The following MAGI2 variants were observed in gnomAD, a reference collection of about 807,000 sequenced individuals.
The protein encoded by MAGI2 is membrane-associated guanylate kinase, WW and PDZ domain-containing protein 2.
Under a neutral mutation model 133.3 loss-of-function variants are expected in MAGI2, and 35 were observed. The ratio of observed to expected loss-of-function variants is 0.26; its 90% CI spans 0.20 to 0.35. MAGI2 has a LOEUF of 0.35. Among genes scored for constraint, MAGI2 ranks in the 10% least tolerant of loss-of-function variants. MAGI2 has a pLI of 1.00. For synonymous variants in MAGI2, 729 were observed against 710.6 expected (o/e 1.03, Z -0.41); for missense variants, 1,636 against 1,863.4 (o/e 0.88, Z 2.25).
intron 1 of MAGI2, among the ~76,000 whole-genome samples, chr7:79,443,739 A>G (rs190627869): frequency 1.3e-5 from 2 of 152,348 alleles, no homozygotes; most frequent in Admixed American, 1.3e-4. Context: ...CACTTGATCC[A>G]TGGCAATATA....
intron 2 of MAGI2, among the ~76,000 whole-genome samples, chr7:78,688,030 A>G (rs1179121346): frequency 6.6e-6 from 1 of 151,426 alleles, no homozygotes; most frequent in Non-Finnish European, 1.5e-5. Context: ...AAGCAAACAG[A>G]AAAACTTATA....
At chr7:78,281,897 AG>A (rs1261779896) in intron 9 of MAGI2, among the ~76,000 whole-genome samples, 9 of 151,348 alleles carry the variant, frequency 5.9e-5, no homozygotes, top group Non-Finnish European at 8.8e-5. Flanking sequence ...AAAAAAAAAA[AG>A]GAGAAAACTT....
At chr7:79,409,405 A>G (rs895684979) in intron 1 of MAGI2, among the ~76,000 whole-genome samples, 9 of 151,562 alleles carry the variant, frequency 5.9e-5, no homozygotes, top group African/African-American at 9.7e-5. Flanking sequence ...GATTACAGAC[A>G]AGCACAAGCC....
At chr7:79,238,223 A>C (rs1832083928) in intron 1 of MAGI2, among the ~76,000 whole-genome samples, 2 of 151,624 alleles carry the variant, frequency 1.3e-5, no homozygotes, top group African/African-American at 4.8e-5. Flanking sequence ...CTTTATCCTT[A>C]TCTTTGTACT....
chr7:79,147,537 G>A (rs957898713), intron 1 of MAGI2, among the ~76,000 whole-genome samples: 1 of 152,180 alleles, frequency 6.6e-6, no homozygotes, highest in Non-Finnish European at 1.5e-5. Flanking sequence ...ACACAGGAGG[G>A]TCGGTGCCTC....
intron 1 of MAGI2, among the ~76,000 whole-genome samples, chr7:79,432,159 A>G (rs923274145): frequency 1.3e-5 from 2 of 152,074 alleles, no homozygotes; most frequent in Non-Finnish European, 2.9e-5. Context: ...AAAAACCATC[A>G]CTCTCATCAG....
At chr7:78,966,338 C>T (rs557452251) in intron 2 of MAGI2, among the ~76,000 whole-genome samples, 4 of 152,148 alleles carry the variant, frequency 2.6e-5, no homozygotes, top group South Asian at 2.1e-4. Flanking sequence ...CCCTCCATTT[C>T]CCTCTCCCTC....
intron 1 of MAGI2, among the ~76,000 whole-genome samples, chr7:79,132,309 C>A (rs1006619722): frequency 6.6e-6 from 1 of 152,090 alleles, no homozygotes; most frequent in African/African-American, 2.4e-5. Context: ...CACTCTCCCC[C>A]TTCTGAGTCC....
At chr7:79,357,441 T>C (rs1195103299) in intron 1 of MAGI2, among the ~76,000 whole-genome samples, 1 of 152,196 alleles carries the variant, frequency 6.6e-6, no homozygotes, top group Non-Finnish European at 1.5e-5. Context: ...AACTATTTGT[T>C]CCATCAGAAA....
intron 6 of MAGI2, among the ~76,000 whole-genome samples, chr7:78,416,005 G>A (rs1329751586): frequency 6.6e-6 from 1 of 152,118 alleles, no homozygotes; most frequent in African/African-American, 2.4e-5. Context: ...CCAGTTCCAG[G>A]GAGCAGAATG....
At chr7:78,105,359 A>G (rs999940395) in intron 20 of MAGI2, among the ~76,000 whole-genome samples, 3 of 152,122 alleles carry the variant, frequency 2.0e-5, no homozygotes, top group East Asian at 1.9e-4. Flanking sequence ...GATTTTCTCA[A>G]GTATATCCCT....
chr7:79,393,522 T>A (rs1844822769), intron 1 of MAGI2, among the ~76,000 whole-genome samples: 1 of 152,066 alleles, frequency 6.6e-6, no homozygotes, highest in African/African-American at 2.4e-5. Context: ...TATAAAAAAA[T>A]TAACATATAG....
chr7:78,434,587 A>G (rs1006938664), intron 6 of MAGI2, among the ~76,000 whole-genome samples: 1 of 152,134 alleles, frequency 6.6e-6, no homozygotes, highest in Non-Finnish European at 1.5e-5. Flanking sequence ...GAGAAGGACA[A>G]ACAGGGATGA....
intron 20 of MAGI2, among the ~76,000 whole-genome samples, chr7:78,101,078 C>T (rs1818170034): frequency 6.6e-6 from 1 of 152,108 alleles, no homozygotes; most frequent in South Asian, 2.1e-4. Flanking sequence ...GAAATGATAT[C>T]CTGTGTTCAT....
intron 21 of MAGI2, among the ~76,000 whole-genome samples, chr7:78,073,801 C>G (rs1814981862): frequency 6.6e-6 from 1 of 152,218 alleles, no homozygotes; most frequent in Non-Finnish European, 1.5e-5. Context: ...ATGATGCATA[C>G]TTCCTTTTCT....
At chr7:79,006,950 T>C in intron 2 of MAGI2, 140 bp downstream of exon 2, 1 of 570,282 alleles carries the variant, frequency 1.8e-6, no homozygotes, top group East Asian at 3.1e-5. Flanking sequence ...CACTTAAAAT[T>C]GCCACATCTC....
chr7:78,128,103 G>A (rs1821182311), intron 18 of MAGI2, among the ~76,000 whole-genome samples: 5 of 151,966 alleles, frequency 3.3e-5, no homozygotes, highest in Admixed American at 1.3e-4. Context: ...ATACTACTGT[G>A]GTCATAAGAT....
At chr7:78,164,404 A>G (rs916681297) in intron 15 of MAGI2, among the ~76,000 whole-genome samples, 3 of 152,332 alleles carry the variant, frequency 2.0e-5, no homozygotes, top group East Asian at 3.9e-4. Flanking sequence ...CAGGTCCCTC[A>G]TGGTCCTTAT....
At chr7:79,043,415 C>T (rs775607051) in intron 1 of MAGI2, among the ~76,000 whole-genome samples, 9 of 151,022 alleles carry the variant, frequency 6.0e-5, no homozygotes, top group Non-Finnish European at 1.0e-4. Flanking sequence ...TGTTGGTGGG[C>T]GCCTGTAATC....
Sources: gnomAD v4.1 joint callset for allele counts (sites outside exome capture counted in the v4.1 genomes callset) on GRCh38, gnomAD v4.1.1 for gene constraint, MANE v1.5 for transcripts, NCBI Gene and HGNC (gene_info 2026-07-23, HGNC 2026-07-21) for gene names.